The following CHD9 variants were observed in gnomAD, a reference collection of about 807,000 sequenced individuals.
CHD9 encodes the protein chromodomain helicase DNA binding protein 9, also known as ATP-dependent chromatin remodeler CHD9.
In CHD9, 77 loss-of-function variants were observed where a neutral mutation model predicts 316.1. The observed-to-expected ratio is 0.24, with a 90% CI of 0.20 to 0.29. CHD9 has a LOEUF of 0.29. CHD9 is among the 10% of genes least tolerant of loss of function. The pLI is 1.00. For missense variants in CHD9, 2,763 were observed against 3,438.1 expected, an observed-to-expected ratio of 0.80 and a Z score of 4.91; for synonymous variants, 1,129 against 1,158.3, an observed-to-expected ratio of 0.97 and a Z score of 0.51.
At chr16:53,279,924 G>T (rs1439077673) in intron 24 of CHD9, among the ~76,000 whole-genome samples, 1 of 152,144 alleles carries the variant, frequency 6.6e-6, no homozygotes, top group Non-Finnish European at 1.5e-5. Flanking sequence ...AAGAAAAAAT[G>T]CCCAATATCG....
chr16:53,157,385 AGATCATGACCTT>A lies in CHD9; in HGVS notation c.1301_1312del (p.His434_Asp437del), dbSNP rs1385380470. The A allele has an allele frequency of 1.2e-5, 19 of 1,613,916 alleles. No individual in the cohort carries two copies. The highest frequency in any genetic ancestry group is 1.5e-5 in the Non-Finnish European group (18 of 1,179,900). On this transcript the variant is annotated inframe_deletion, in exon 2 of 39. Coordinates refer to ENST00000447540, the MANE Select transcript of CHD9 (RefSeq NM_001308319.2). Reference sequence around the variant, plus strand: ...GACAAGATAATTCAAGTCACATTTTAGATCATGACCTTGATCGGCAGTTTACTTCGCATCTGG... The same window carrying A: ...GACAAGATAATTCAAGTCACATTTTAGATCGGCAGTTTACTTCGCATCTGG...
In CHD9 at chr16:53,308,739, A is replaced by C; in HGVS notation, c.7107A>C (p.Pro2369=). The change falls in exon 34 of 39, where the codon CCA becomes CCC. Residue 2369 remains proline, a synonymous_variant. Transcript: ENST00000447540. Reference sequence around the variant, plus strand: ...AGCAAGGGCTTGCTCAGAAAAGACCATTTGATGGTGAAGACGGTGCTCTGG... The same window carrying C: ...AGCAAGGGCTTGCTCAGAAAAGACCCTTTGATGGTGAAGACGGTGCTCTGG... ...FQKQGLAQKR[P]FDGEDGALGQ... is the part of the protein sequence containing the mutation. 2 of 1,613,490 alleles carry C rather than the reference A, an allele frequency of 1.2e-6. No individual in the cohort carries two copies. The highest frequency in any genetic ancestry group is 1.7e-6 in the Non-Finnish European group (2 of 1,179,636).
intron 1 of CHD9, among the ~76,000 whole-genome samples, chr16:53,149,738 T>A (rs1047727144): frequency 4.2e-5 from 5 of 118,236 alleles, no homozygotes; most frequent in Admixed American, 7.6e-5. Flanking sequence ...ATATATATAT[T>A]TTGTAGAAAT....
In CHD9 at chr16:53,245,214, C is replaced by T. The variant is rs2049477528; in HGVS notation, c.3055-122C>T. 1.1e-5 allele frequency: 7 copies of T among 621,210 alleles called. No homozygotes were observed. Among genetic ancestry groups the T allele is most frequent in the South Asian group, 3.3e-5 (1 of 30,314 alleles). The allele number at this position is 621,210 out of a possible 1,614,324, so 38.5% of individuals were successfully genotyped here. A position where few individuals can be genotyped will look rare whatever the true frequency, so the allele number is the denominator to read the frequency against. On this transcript the variant is annotated intron_variant, in intron 13 of 38. Transcript: ENST00000447540. The surrounding 1 kb of genome is among the most constrained non-coding windows in gnomAD (Gnocchi z 4.1). ...TATATATACACACACACACACATAA[C>T]ATATATATATGTATATATAGTCAGA...
intron 1 of CHD9, among the ~76,000 whole-genome samples, chr16:53,142,302 A>G (rs540812522): frequency 6.6e-6 from 1 of 152,288 alleles, no homozygotes; most frequent in South Asian, 2.1e-4. Flanking sequence ...GAGTTTCATC[A>G]TGTCACCCAG....
chr16:53,143,483 GT>G (rs1291782957), intron 1 of CHD9, among the ~76,000 whole-genome samples: 9 of 151,618 alleles, frequency 5.9e-5, no homozygotes, highest in Admixed American at 2.0e-4. Flanking sequence ...CGCCTCCCGG[GT>G]TCATACCATT....
At chr16:53,263,637 G>C (rs146806460) in intron 20 of CHD9, among the ~76,000 whole-genome samples, 1 of 151,982 alleles carries the variant, frequency 6.6e-6, no homozygotes, top group East Asian at 1.9e-4. Flanking sequence ...GTGTTTTTCA[G>C]TCTTACCAAT....
intron 12 of CHD9, among the ~76,000 whole-genome samples, chr16:53,239,253 AG>A (rs2048884402): frequency 6.6e-6 from 1 of 152,038 alleles, no homozygotes; most frequent in African/African-American, 2.4e-5. Flanking sequence ...TAAAATAAAG[AG>A]ATGACACCTT....
chr16:53,102,604 C>A lies in CHD9; in HGVS notation c.-165+47527C>A, dbSNP rs550685884. On this transcript the variant is annotated intron_variant, in intron 1 of 38. Coordinates refer to ENST00000447540, the MANE Select transcript of CHD9 (RefSeq NM_001308319.2). ...GTGGCTCACACCTGTAATCTCAGCACTTTCAGAGGCCAGAGGTGGGAGAAT... is the reference window on the plus strand; with the variant it reads ...GTGGCTCACACCTGTAATCTCAGCAATTTCAGAGGCCAGAGGTGGGAGAAT... Among the ~76,000 whole-genome samples, 6 of 152,194 alleles carry A rather than the reference C, an allele frequency of 3.9e-5. No individual in the cohort carries two copies. The South Asian group carries it at 1.2e-3, about 32-fold the overall frequency.
intron 29 of CHD9, among the ~76,000 whole-genome samples, chr16:53,294,693 C>G (rs914943583): frequency 6.6e-6 from 1 of 152,142 alleles, no homozygotes; most frequent in African/African-American, 2.4e-5. Flanking sequence ...ACTTTTGCCA[C>G]CCTCTGTTGG....
Position 53,231,721 on chromosome 16 carries a change from A to G in CHD9, c.2448A>G (p.Val816=), listed in dbSNP as rs766878271. The G allele has an allele frequency of 1.2e-6, 2 of 1,611,934 alleles. No individual in the cohort carries two copies. Among genetic ancestry groups the G allele is most frequent in the South Asian group, 2.2e-5 (2 of 90,934 alleles). Reference sequence around the variant, plus strand: ...GTACTTGGGAACTAAAAGAAGATGTAGATCTTGCAAAAATAGAAGAGTTTG... The same window carrying G: ...GTACTTGGGAACTAAAAGAAGATGTGGATCTTGCAAAAATAGAAGAGTTTG... The part of the protein sequence containing the change: ...EDSTWELKED[V]DLAKIEEFEQ... The change falls in exon 10 of 39, where the codon GTA becomes GTG. Residue 816 remains valine, a synonymous_variant. Coordinates refer to ENST00000447540, the MANE Select transcript of CHD9 (RefSeq NM_001308319.2).
chr16:53,132,018 A>T (rs560888154), intron 1 of CHD9, among the ~76,000 whole-genome samples: 88 of 152,274 alleles, frequency 5.8e-4, no homozygotes, highest in African/African-American at 1.9e-3. Flanking sequence ...CTACCCGGAA[A>T]GCCCGGGTGT....
intron 2 of CHD9, among the ~76,000 whole-genome samples, chr16:53,202,185 A>T (rs1009717983): frequency 9.9e-5 from 15 of 152,080 alleles, no homozygotes; most frequent in Non-Finnish European, 1.5e-5. Flanking sequence ...TTAAAACACA[A>T]CTACAAAACC....
chr16:53,174,898 G>A (rs2043000109), intron 2 of CHD9, among the ~76,000 whole-genome samples: 1 of 152,174 alleles, frequency 6.6e-6, no homozygotes, highest in South Asian at 2.1e-4. Context: ...TTGAGTAATG[G>A]GAAATTTTGT....
intron 3 of CHD9, among the ~76,000 whole-genome samples, chr16:53,219,006 C>A (rs746214977): frequency 1.3e-5 from 2 of 152,028 alleles, no homozygotes; most frequent in African/African-American, 4.8e-5. Flanking sequence ...AGCAAAGTAA[C>A]GGATACCCTT....
intron 2 of CHD9, among the ~76,000 whole-genome samples, chr16:53,163,475 G>T (rs1052492067): frequency 1.3e-5 from 2 of 152,164 alleles, no homozygotes. Context: ...CTCCCAAAGT[G>T]CTGGGATTAC....
chr16:53,080,655 GA>G (rs1486293177), intron 1 of CHD9, among the ~76,000 whole-genome samples: 1 of 152,184 alleles, frequency 6.6e-6, no homozygotes, highest in Non-Finnish European at 1.5e-5. Flanking sequence ...GTTGAGCCAG[GA>G]AGCGTAGTAA....
At chr16:53,171,986 A>G (rs2042785743) in intron 2 of CHD9, among the ~76,000 whole-genome samples, 1 of 152,076 alleles carries the variant, frequency 6.6e-6, no homozygotes, top group Non-Finnish European at 1.5e-5. Context: ...TTTGTACTCT[A>G]TAACCATTTA....
At chr16:53,074,862 C>A (rs1255590950) in intron 1 of CHD9, among the ~76,000 whole-genome samples, 2 of 152,252 alleles carry the variant, frequency 1.3e-5, no homozygotes, top group Non-Finnish European at 2.9e-5. Context: ...TTGGAGCCCC[C>A]ACACAGAGTC....
Sources: allele counts gnomAD v4.1 joint callset (sites outside exome capture counted in the v4.1 genomes callset), GRCh38; gene constraint gnomAD v4.1.1; non-coding constraint Gnocchi (gnomAD v3.1); transcripts MANE v1.5; gene names NCBI Gene and HGNC (gene_info 2026-07-23, HGNC 2026-07-21).